The following RALGAPA2 variants were observed in gnomAD, a reference collection of about 807,000 sequenced individuals.
The protein encoded by RALGAPA2 is ral GTPase-activating protein subunit alpha-2.
RALGAPA2 carries 139 observed loss-of-function variants against 230.4 expected under a neutral mutation model. That is an observed-to-expected ratio of 0.60 (90% confidence interval 0.53 to 0.69). RALGAPA2 has a LOEUF of 0.69. RALGAPA2 is among the 30% of genes least tolerant of loss of function. RALGAPA2 has a pLI of 0.00. For missense variants in RALGAPA2, 2,163 were observed against 2,276.0 expected (o/e 0.95, Z 1.01); for synonymous variants, 847 against 837.8 (o/e 1.01, Z -0.19).
At chr20:20,408,102 T>C (rs2059982709) in intron 38 of RALGAPA2, among the ~76,000 whole-genome samples, 1 of 152,246 alleles carries the variant, frequency 6.6e-6, no homozygotes, top group South Asian at 2.1e-4. Flanking sequence ...GCTGGCTCTC[T>C]ATAGCAATAT....
rs1413792816 is a variant in RALGAPA2 at position 20,653,424 on chromosome 20, A to G, written c.328+106T>C. The G allele has an allele frequency of 8.6e-6, 6 of 695,916 alleles. No individual in the cohort carries two copies. In the Admixed American group the frequency reaches 1.7e-4, roughly 20 times the overall value. 43.1% of individuals were successfully genotyped at this position (695,916 alleles called of 1,614,324 possible). A position where few individuals can be genotyped will look rare whatever the true frequency, so the allele number is the denominator to read the frequency against. ...TTACCATAATACCATACCCTTATTA[A>G]TATTCCTTTCTATAAGCTATCTTGA... On this transcript the variant is annotated intron_variant, in intron 4 of 39. Coordinates refer to ENST00000202677, the MANE Select transcript of RALGAPA2 (RefSeq NM_020343.4).
intron 10 of RALGAPA2, among the ~76,000 whole-genome samples, chr20:20,625,767 C>T (rs2066472489): frequency 6.6e-6 from 1 of 152,092 alleles, no homozygotes; most frequent in African/African-American, 2.4e-5. Context: ...CTGAAAAACG[C>T]CAATGAGAAG....
chr20:20,576,270 T>G (rs529908557), intron 20 of RALGAPA2, among the ~76,000 whole-genome samples: 1 of 152,248 alleles, frequency 6.6e-6, no homozygotes, highest in East Asian at 1.9e-4. Context: ...TACACTTCAT[T>G]GAGATTTCCT....
At chr20:20,454,166 T>C (rs1328022414) in intron 37 of RALGAPA2, among the ~76,000 whole-genome samples, 1 of 152,196 alleles carries the variant, frequency 6.6e-6, no homozygotes, top group Non-Finnish European at 1.5e-5. Context: ...AAGGATGCAG[T>C]GGCCTGTGAG....
chr20:20,496,654 TA>T (rs1183562789), intron 35 of RALGAPA2, among the ~76,000 whole-genome samples: 1 of 152,230 alleles, frequency 6.6e-6, no homozygotes, highest in Admixed American at 6.5e-5. Context: ...AGTTTTGTCT[TA>T]AAGTATTTTT....
rs1041970648 is a variant in RALGAPA2 at position 20,393,036 on chromosome 20, C to G, written c.*253G>C. On this transcript the variant is annotated 3_prime_UTR_variant, in exon 40 of 40. Coordinates refer to ENST00000202677, the MANE Select transcript of RALGAPA2 (RefSeq NM_020343.4). Reference sequence around the variant, plus strand: ...TGTGAGGTTTCAGGACAAGATGATACAGCCTAGTTTGAGTCCCATCTGAGA... The same window carrying G: ...TGTGAGGTTTCAGGACAAGATGATAGAGCCTAGTTTGAGTCCCATCTGAGA... 2 of 1,253,284 alleles carry G rather than the reference C, an allele frequency of 1.6e-6. No homozygotes were observed. The highest frequency in any genetic ancestry group is 2.1e-6 in the Non-Finnish European group (2 of 940,636). 77.6% of individuals were successfully genotyped at this position (1,253,284 alleles called of 1,614,324 possible).
At chr20:20,462,771 G>A (rs1247624861) in intron 37 of RALGAPA2, among the ~76,000 whole-genome samples, 1 of 152,242 alleles carries the variant, frequency 6.6e-6, no homozygotes, top group East Asian at 1.9e-4. Flanking sequence ...ACTCTGCACA[G>A]AAGGGACCAC....
chr20:20,537,106 A>C, intron 24 of RALGAPA2, among the ~76,000 whole-genome samples: 1 of 152,192 alleles, frequency 6.6e-6, no homozygotes, highest in East Asian at 1.9e-4. Context: ...AGCAGGGTAA[A>C]GGATATCAAC....
intron 23 of RALGAPA2, among the ~76,000 whole-genome samples, chr20:20,555,597 G>T (rs1031265543): frequency 6.6e-6 from 1 of 152,128 alleles, no homozygotes. Context: ...CTACAGCAAG[G>T]TTTGCAGTTT....
chr20:20,593,024 T>C (rs977617113), intron 16 of RALGAPA2, among the ~76,000 whole-genome samples: 2 of 152,138 alleles, frequency 1.3e-5, no homozygotes, highest in Admixed American at 1.3e-4. Flanking sequence ...CTCAACTGAT[T>C]CTCACACCTC....
intron 39 of RALGAPA2, among the ~76,000 whole-genome samples, chr20:20,395,632 G>A (rs966889810): frequency 5.9e-5 from 9 of 152,162 alleles, no homozygotes; most frequent in African/African-American, 1.9e-4. Flanking sequence ...GGGCTGACAC[G>A]AGTGAGCCCA....
At chr20:20,499,869 T>C (rs1209574133) in intron 35 of RALGAPA2, among the ~76,000 whole-genome samples, 1 of 152,228 alleles carries the variant, frequency 6.6e-6, no homozygotes, top group Admixed American at 6.5e-5. Context: ...ACCTCAGAGA[T>C]ATTATAGGCT....
intron 24 of RALGAPA2, among the ~76,000 whole-genome samples, chr20:20,540,537 A>C (rs547671571): frequency 2.6e-5 from 4 of 152,270 alleles, no homozygotes; most frequent in South Asian, 4.1e-4. Context: ...TCTTTATTGC[A>C]AGCTGGTTTT....
intron 23 of RALGAPA2, among the ~76,000 whole-genome samples, chr20:20,550,037 C>T (rs1296425147): frequency 6.6e-6 from 1 of 152,048 alleles, no homozygotes; most frequent in Non-Finnish European, 1.5e-5. Context: ...GCTATTTGGT[C>T]AGATGAGTAA....
chr20:20,705,767 C>A (rs1317043291), intron 1 of RALGAPA2, among the ~76,000 whole-genome samples: 1 of 152,116 alleles, frequency 6.6e-6, no homozygotes, highest in Non-Finnish European at 1.5e-5. Context: ...CTCCCAGATT[C>A]AAGCAGTTCT....
intron 7 of RALGAPA2, among the ~76,000 whole-genome samples, chr20:20,639,525 C>T (rs987599156): frequency 6.6e-6 from 1 of 152,124 alleles, no homozygotes; most frequent in African/African-American, 2.4e-5. Flanking sequence ...ACCTGTCTTG[C>T]AAGCATAGAG....
At chr20:20,676,010 T>C (rs2068310532) in intron 3 of RALGAPA2, among the ~76,000 whole-genome samples, 1 of 152,118 alleles carries the variant, frequency 6.6e-6, no homozygotes, top group Non-Finnish European at 1.5e-5. Context: ...CACATCTAGG[T>C]ACCCATACAG....
intron 3 of RALGAPA2, among the ~76,000 whole-genome samples, chr20:20,655,850 G>C (rs1283251753): frequency 1.3e-5 from 2 of 152,146 alleles, no homozygotes; most frequent in Admixed American, 1.3e-4. Flanking sequence ...TGGGTAGAGG[G>C]GCTGTAGTAA....
intron 23 of RALGAPA2, among the ~76,000 whole-genome samples, chr20:20,570,248 T>C (rs541805667): frequency 6.6e-6 from 1 of 152,328 alleles, no homozygotes; most frequent in South Asian, 2.1e-4. Flanking sequence ...TTATTTCATA[T>C]AAGAGTTCAA....
Sources: allele counts gnomAD v4.1 joint callset (sites outside exome capture counted in the v4.1 genomes callset), GRCh38; gene constraint gnomAD v4.1.1; transcripts MANE v1.5; gene names NCBI Gene and HGNC (gene_info 2026-07-23, HGNC 2026-07-21).